Variants in SRGAP2 observed in about 807,000 individuals in gnomAD.
SRGAP2 encodes SLIT-ROBO Rho GTPase-activating protein 2.
In SRGAP2, 15 loss-of-function variants were observed where a neutral mutation model predicts 57.2. The ratio of observed to expected loss-of-function variants is 0.26; its 90% CI spans 0.18 to 0.40. The LOEUF (loss-of-function observed/expected upper bound fraction) is 0.40. SRGAP2 is among the 10% of genes least tolerant of loss of function. SRGAP2 has a pLI of 1.00. For synonymous variants in SRGAP2, 249 were observed against 248.0 expected (o/e 1.00, Z -0.04); for missense variants, 520 against 669.6 (o/e 0.78, Z 2.47).
At chr1:206,292,296 T>C (rs1671373299) in intron 2 of SRGAP2, among the ~76,000 whole-genome samples, 1 of 152,168 alleles carries the variant, frequency 6.6e-6, no homozygotes, top group Non-Finnish European at 1.5e-5. Flanking sequence ...ACATGACTGC[T>C]GATTGAATAG....
At chr1:206,371,472 T>A (rs1449932577) in intron 4 of SRGAP2, among the ~76,000 whole-genome samples, 6 of 151,458 alleles carry the variant, frequency 4.0e-5, no homozygotes, top group Non-Finnish European at 7.4e-5. Flanking sequence ...GGCTCATGCC[T>A]GTAATCCCAG....
At chr1:206,325,622 A>G (rs201054903) in intron 3 of SRGAP2, among the ~76,000 whole-genome samples, 92,210 of 146,486 alleles carry the variant, frequency 0.63, 31,577 homozygotes, top group African/African-American at 0.91. Flanking sequence ...TGGGAATGCA[A>G]GTGTGAGGCA....
intron 1 of SRGAP2, chr1:206,205,170 C>T (rs1310815626): frequency 6.6e-6 from 1 of 152,336 alleles, no homozygotes; most frequent in African/African-American, 2.4e-5. Flanking sequence ...CAGTCCCCGC[C>T]TGGTGCCCCG....
At chr1:206,354,233 G>C (rs1426419254) in intron 4 of SRGAP2, among the ~76,000 whole-genome samples, 1 of 151,994 alleles carries the variant, frequency 6.6e-6, no homozygotes, top group Non-Finnish European at 1.5e-5. Flanking sequence ...AGAAACTCTA[G>C]GTGTACTTAT....
chr1:206,394,056 T>G, intron 7 of SRGAP2, among the ~76,000 whole-genome samples: 1 of 102,222 alleles, frequency 9.8e-6, no homozygotes, highest in African/African-American at 4.2e-5. Context: ...TTTTTTTTTT[T>G]TTTTTTTTGA....
chr1:206,227,417 A>G (rs1667343708), intron 2 of SRGAP2, among the ~76,000 whole-genome samples: 1 of 152,004 alleles, frequency 6.6e-6, no homozygotes, highest in Non-Finnish European at 1.5e-5. Context: ...ACCTTCATAT[A>G]AGGGAAAGAC....
At chr1:206,337,315 G>A (rs2102899156) in intron 3 of SRGAP2, among the ~76,000 whole-genome samples, 1 of 97,846 alleles carries the variant, frequency 1.0e-5, no homozygotes, top group South Asian at 3.8e-4. Context: ...CGGCTGCTTT[G>A]TTAATTGCCT....
chr1:206,272,366 G>GT (rs1670173130), intron 2 of SRGAP2, among the ~76,000 whole-genome samples: 1 of 147,632 alleles, frequency 6.8e-6, no homozygotes. Flanking sequence ...ACTTTCTTGT[G>GT]CAGTATACTA....
At chr1:206,426,187 A>C (rs1017164261) in intron 13 of SRGAP2, among the ~76,000 whole-genome samples, 1 of 152,116 alleles carries the variant, frequency 6.6e-6, no homozygotes, top group East Asian at 1.9e-4. Context: ...TCATGCAATC[A>C]AATTTTTTAG....
In SRGAP2 at chr1:206,429,131, C is replaced by T. The variant is rs1661069393; in HGVS notation, c.1495-1031C>T. Among the ~76,000 whole-genome samples the T allele has an allele frequency of 2.0e-5, 3 of 152,132 alleles. No homozygotes were observed. The South Asian group carries it at 6.2e-4, about 32-fold the overall frequency. Reference sequence around the variant, plus strand: ...TACTCTCCTTGCCTCCAGTCCCCTCCCCAGTCTGTAGAAGGCAAATTGAGG... The same window carrying T: ...TACTCTCCTTGCCTCCAGTCCCCTCTCCAGTCTGTAGAAGGCAAATTGAGG... On this transcript the variant is annotated intron_variant, in intron 13 of 22. Transcript: ENST00000573034.
At chr1:206,347,268 CA>C (rs1312738869) in intron 4 of SRGAP2, among the ~76,000 whole-genome samples, 1 of 150,630 alleles carries the variant, frequency 6.6e-6, no homozygotes. Flanking sequence ...AAAAAAAAAA[CA>C]ACAAAAAAAC....
At chr1:206,444,658 C>T (rs1662597560) in intron 17 of SRGAP2, among the ~76,000 whole-genome samples, 1 of 152,192 alleles carries the variant, frequency 6.6e-6, no homozygotes, top group Non-Finnish European at 1.5e-5. Context: ...TAATTATCCT[C>T]CTGTCCCTCC....
At chr1:206,421,350 T>A (rs1553364289) in intron 13 of SRGAP2, 76 bp downstream of exon 13, 1 of 711,234 alleles carries the variant, frequency 1.4e-6, no homozygotes, top group African/African-American at 1.8e-5. Context: ...TGAGCGCCAC[T>A]GTGTGCAGGA....
Position 206,454,972 on chromosome 1 carries a change from A to G in SRGAP2, c.2455A>G (p.Ser819Gly). 2.6e-6 allele frequency: 2 copies of G among 780,944 alleles called. No homozygotes were observed. The allele number at this position is 780,944 out of a possible 1,614,324, so 48.4% of individuals were successfully genotyped here. ...EEKVTARAGA[S>G]CPSGGHVADI... is the part of the protein sequence containing the mutation. ...AAAGGTGACAGCCAGAGCGGGGGCC[A>G]GCTGTCCCAGTGGGGGTCATGTAGC... The change falls in exon 21 of 23, where the codon AGC (serine) becomes GGC (glycine). Residue 819 changes from serine to glycine, a missense_variant. By Grantham distance (56) the Ser-to-Gly change is moderately conservative (BLOSUM62 0). Coordinates refer to ENST00000573034, the MANE Select transcript of SRGAP2 (RefSeq NM_015326.5). This position sits in a 1 kb window ranked among gnomAD's most constrained non-coding sequence, Gnocchi z 4.3.
chr1:206,226,440 A>G (rs1431605800), intron 2 of SRGAP2, among the ~76,000 whole-genome samples: 1 of 151,860 alleles, frequency 6.6e-6, no homozygotes, highest in African/African-American at 2.4e-5. Flanking sequence ...TTGGTAGAAA[A>G]AAGACCACTC....
At chr1:206,333,186 G>A (rs1674504724) in intron 3 of SRGAP2, 2 of 465,494 alleles carry the variant, frequency 4.3e-6, no homozygotes, top group Admixed American at 3.3e-5. Context: ...CCAGCTGCGT[G>A]CTGGGAGAAC....
At chr1:206,439,883 C>T (rs1553371301) in intron 16 of SRGAP2, 93 bp from the exon 17 acceptor site, 18 of 703,698 alleles carry the variant, frequency 2.6e-5, no homozygotes, top group South Asian at 6.3e-5. Flanking sequence ...TGATGCTGTC[C>T]GTGTTGCCCC....
At chr1:206,270,588 C>T (rs1670128839) in intron 2 of SRGAP2, among the ~76,000 whole-genome samples, 1 of 149,818 alleles carries the variant, frequency 6.7e-6, no homozygotes, top group South Asian at 2.1e-4. Context: ...TGGCAGGTAC[C>T]ACCAAAAAAA....
intron 3 of SRGAP2, among the ~76,000 whole-genome samples, chr1:206,308,162 G>A (rs1319737653): frequency 0.018 from 1,894 of 105,514 alleles, 68 homozygotes; most frequent in African/African-American, 0.069. Context: ...TGATTGACCA[G>A]TTCTGTGCTT....
Sources: allele counts gnomAD v4.1 joint callset (sites outside exome capture counted in the v4.1 genomes callset), GRCh38; gene constraint gnomAD v4.1.1; non-coding constraint Gnocchi (gnomAD v3.1); transcripts MANE v1.5; gene names NCBI Gene and HGNC (gene_info 2026-07-23, HGNC 2026-07-21).